The following MACROH2A2 variants were observed in gnomAD, a reference collection of about 807,000 sequenced individuals.
MACROH2A2 encodes the protein macroH2A.2 histone.
Under a neutral mutation model 37.6 loss-of-function variants are expected in MACROH2A2, and 6 were observed. The observed-to-expected ratio is 0.16, with a 90% confidence interval of 0.09 to 0.32. The LOEUF is 0.32. Among genes scored for constraint, MACROH2A2 ranks in the 10% least tolerant of loss-of-function variants. The pLI is 1.00. For missense variants in MACROH2A2, 290 were observed against 485.9 expected, an observed-to-expected ratio of 0.60 and a Z score of 3.79; for synonymous variants, 192 against 202.7, an observed-to-expected ratio of 0.95 and a Z score of 0.45.
At chr10:70,073,969 C>T (rs900277581) in intron 1 of MACROH2A2, among the ~76,000 whole-genome samples, 2 of 152,200 alleles carry the variant, frequency 1.3e-5, no homozygotes, top group African/African-American at 2.4e-5. Context: ...GAAACGGCCC[C>T]TGAGAACGCC....
chr10:70,082,927 A>G (rs888203370), intron 2 of MACROH2A2, among the ~76,000 whole-genome samples: 13 of 151,966 alleles, frequency 8.6e-5, no homozygotes, highest in African/African-American at 3.1e-4. Flanking sequence ...ACTTAATGCC[A>G]TTGAATTGTA....
rs1554822102 is a variant in MACROH2A2, at chr10:70,079,608, G to GACAC, written c.172+3778_172+3779insACAC. Among the ~76,000 whole-genome samples, 4 of 80,014 alleles carry GACAC rather than the reference G, an allele frequency of 5.0e-5. No homozygotes were observed. In the South Asian group the frequency reaches 1.3e-3, roughly 26 times the overall value. 52.5% of individuals were successfully genotyped at this position (80,014 alleles called of 152,430 possible). On this transcript the variant is annotated intron_variant, in intron 2 of 8. Coordinates refer to ENST00000373255, the MANE Select transcript of MACROH2A2 (RefSeq NM_018649.3). ...ACACACACACACACACACACACACG[G>GACAC]CAGAGGAGGCATCAAAGAGAGGTGG...
At chr10:70,105,039 A>C (rs912849895) in intron 7 of MACROH2A2, among the ~76,000 whole-genome samples, 1 of 152,230 alleles carries the variant, frequency 6.6e-6, no homozygotes, top group Non-Finnish European at 1.5e-5. Context: ...GCGATGCTGC[A>C]TGTTCAGGGA....
chr10:70,091,739 A>C lies in MACROH2A2; in HGVS notation c.280-18A>C, dbSNP rs1331205259. The C allele has an allele frequency of 1.3e-6, 2 of 1,588,110 alleles. No homozygotes were observed. Among genetic ancestry groups the C allele is most frequent in the Non-Finnish European group, 1.7e-6 (2 of 1,156,556 alleles). On this transcript the variant is annotated intron_variant, in intron 3 of 8. Transcript: ENST00000373255. ...AGCAGGCTGTTTGCTACATGAGCGC[A>C]TGCATTTCTCTCTTCAGCTGCTAAA...
chr10:70,058,635 T>TA (rs2072030949), intron 1 of MACROH2A2, among the ~76,000 whole-genome samples: 1 of 141,332 alleles, frequency 7.1e-6, no homozygotes, highest in African/African-American at 2.6e-5. Flanking sequence ...CACTGCCAAT[T>TA]TTATATATAT....
chr10:70,108,068 A>T (rs1008120917), intron 7 of MACROH2A2, among the ~76,000 whole-genome samples: 2 of 152,026 alleles, frequency 1.3e-5, no homozygotes, highest in Admixed American at 6.6e-5. Context: ...AAAAATTTTA[A>T]AAATTAGCAC....
At chr10:70,110,831 T>C (rs991052827) in intron 8 of MACROH2A2, among the ~76,000 whole-genome samples, 1 of 151,990 alleles carries the variant, frequency 6.6e-6, no homozygotes, top group African/African-American at 2.4e-5. Context: ...GAAGCTGCAG[T>C]GAGCTATGAT....
chr10:70,110,889 GA>G (rs949576061), intron 8 of MACROH2A2, among the ~76,000 whole-genome samples: 2 of 149,684 alleles, frequency 1.3e-5, no homozygotes, highest in Non-Finnish European at 3.0e-5. Context: ...CTTTGCCTCT[GA>G]AAAAAAAACT....
chr10:70,057,900 G>A (rs1384750314), intron 1 of MACROH2A2, among the ~76,000 whole-genome samples: 4 of 152,116 alleles, frequency 2.6e-5, no homozygotes, highest in African/African-American at 9.7e-5. Context: ...ACAGGAAAAC[G>A]AAATGGTGGG....
At chr10:70,079,455 G>T (rs895059309) in intron 2 of MACROH2A2, among the ~76,000 whole-genome samples, 1 of 152,050 alleles carries the variant, frequency 6.6e-6, no homozygotes, top group East Asian at 1.9e-4. Context: ...CTAATGTGCC[G>T]AGAGCAGAGC....
intron 7 of MACROH2A2, among the ~76,000 whole-genome samples, chr10:70,102,447 T>C (rs1181851100): frequency 1.3e-5 from 2 of 152,112 alleles, no homozygotes; most frequent in African/African-American, 4.8e-5. Context: ...GCCCAGGTAC[T>C]GTGGCTCATG....
intron 2 of MACROH2A2, among the ~76,000 whole-genome samples, chr10:70,089,040 G>A (rs1456957695): frequency 6.6e-6 from 1 of 152,206 alleles, no homozygotes. Flanking sequence ...GGAGGCGGAG[G>A]TTGCAGTGAG....
chr10:70,084,643 C>T (rs2136631312), intron 2 of MACROH2A2, among the ~76,000 whole-genome samples: 1 of 152,170 alleles, frequency 6.6e-6, no homozygotes, highest in Non-Finnish European at 1.5e-5. Flanking sequence ...TTTTTGTTGC[C>T]CAGGCTGGAG....
chr10:70,054,973 A>G (rs1025498510), intron 1 of MACROH2A2, among the ~76,000 whole-genome samples: 12 of 152,176 alleles, frequency 7.9e-5, no homozygotes, highest in African/African-American at 2.9e-4. Flanking sequence ...CTCTATATCA[A>G]AACTGCGTAA....
intron 1 of MACROH2A2, among the ~76,000 whole-genome samples, chr10:70,067,291 A>G (rs184732966): frequency 2.6e-5 from 4 of 152,390 alleles, no homozygotes; most frequent in Admixed American, 2.6e-4. Flanking sequence ...AGAATCAACT[A>G]TAGTTAATAA....
chr10:70,094,564 T>A (rs956011330), intron 5 of MACROH2A2, among the ~76,000 whole-genome samples: 1 of 152,176 alleles, frequency 6.6e-6, no homozygotes, highest in Non-Finnish European at 1.5e-5. Context: ...ATTCAAAGAA[T>A]TGGGAAGAGT....
Position 70,075,752 on chromosome 10 carries a change from C to G in MACROH2A2, c.94C>G (p.Leu32Val). The G allele has an allele frequency of 6.2e-7, 1 of 1,614,098 alleles. No homozygotes were observed. Among genetic ancestry groups the G allele is most frequent in the Non-Finnish European group, 8.5e-7 (1 of 1,179,948 alleles). ...IFPVGRLMRY[L>V]KKGTFKYRIS... ...TCCAGTGGGGAGGCTGATGCGTTAT[C>G]TGAAGAAAGGGACGTTCAAGTACCG... Residue 32 changes from leucine (L) to valine (V), a missense_variant, in exon 2 of 9, where the codon CTG (leucine) becomes GTG (valine). By Grantham distance (32) the Leu-to-Val change is conservative (BLOSUM62 1). Around this residue, in one of 3 missense-constraint regions of MACROH2A2, gnomAD observed 83 missense variants for 159.9 expected, o/e 0.52. Coordinates refer to ENST00000373255, the MANE Select transcript of MACROH2A2 (RefSeq NM_018649.3). The surrounding 1 kb of genome is among the most constrained non-coding windows in gnomAD (Gnocchi z 5.0).
chr10:70,093,827 C>T lies in MACROH2A2; in HGVS notation c.570C>T (p.Ser190=). 1 of 1,592,876 alleles carries T rather than the reference C, an allele frequency of 6.3e-7. No homozygotes were observed. Among genetic ancestry groups the T allele is most frequent in the Non-Finnish European group, 8.6e-7 (1 of 1,160,638 alleles). ...GDGFTILSSK[S]LVLGQKLSLT... is the part of the protein sequence containing the mutation. ...GATTCACCATTCTGTCTTCTAAGAG[C>T]CTTGTTCTGGGACAGAAGGTAACAA... Residue 190 remains serine, a synonymous_variant, in exon 5 of 9, where the codon AGC becomes AGT. Transcript: ENST00000373255.
chr10:70,091,102 A>G (rs1479804383), intron 3 of MACROH2A2, among the ~76,000 whole-genome samples: 1 of 152,234 alleles, frequency 6.6e-6, no homozygotes, highest in Non-Finnish European at 1.5e-5. Flanking sequence ...AGTCTTTGCA[A>G]TGACCTTTGA....
Sources: gnomAD v4.1 joint callset for allele counts (sites outside exome capture counted in the v4.1 genomes callset) on GRCh38, gnomAD v4.1.1 for gene constraint, gnomAD v4.1.1 regional missense constraint, Gnocchi (gnomAD v3.1) non-coding constraint, MANE v1.5 for transcripts, NCBI Gene and HGNC (gene_info 2026-07-23, HGNC 2026-07-21) for gene names.